Variants in CDK5RAP2 observed in about 807,000 individuals in gnomAD.
CDK5RAP2 encodes the protein CDK5 regulatory subunit associated protein 2.
A neutral mutation model predicts 232.9 loss-of-function variants in CDK5RAP2; 147 were observed. That is an observed-to-expected ratio of 0.63 (90% CI 0.55 to 0.72). The LOEUF (loss-of-function observed/expected upper bound fraction) is 0.72. CDK5RAP2 is among the 30% of genes least tolerant of loss of function. The pLI is 0.00. For synonymous variants in CDK5RAP2, 833 were observed against 833.7 expected (o/e 1.00, Z 0.01); for missense variants, 2,195 against 2,231.5 (o/e 0.98, Z 0.33).
chr9:120,530,854 T>G, intron 7 of CDK5RAP2, among the ~76,000 whole-genome samples: 1 of 85,198 alleles, frequency 1.2e-5, no homozygotes, highest in Admixed American at 1.6e-4. Context: ...CCAGGGCCTG[T>G]TGTGGGGTGG....
In CDK5RAP2 at chr9:120,458,546, TCA is replaced by T; in HGVS notation, c.2277_2278del (p.Cys759Ter). On this transcript the variant is annotated stop_gained and frameshift_variant, in exon 20 of 38. Coordinates refer to ENST00000349780, the MANE Select transcript of CDK5RAP2 (RefSeq NM_018249.6). LOFTEE classifies it high-confidence loss of function. ...TAGGCAGCCAGGTGCGTGGGCCCCA[TCA>T]CAATCTGAAATCTTAGACTCCGTGT... 6.2e-7 allele frequency: 1 copy of T among 1,614,158 alleles called. No individual in the cohort carries two copies. Among genetic ancestry groups the T allele is most frequent in the Non-Finnish European group, 8.5e-7 (1 of 1,180,004 alleles).
chr9:120,550,406 C>T (rs193086939), intron 4 of CDK5RAP2, among the ~76,000 whole-genome samples: 2 of 152,324 alleles, frequency 1.3e-5, no homozygotes, highest in East Asian at 1.9e-4. Context: ...TCACTTAATT[C>T]TGGAAGCAAG....
At chr9:120,484,597 G>A (rs903078526) in intron 14 of CDK5RAP2, among the ~76,000 whole-genome samples, 29 of 152,156 alleles carry the variant, frequency 1.9e-4, no homozygotes, top group African/African-American at 7.0e-4. Flanking sequence ...GGTGGCACAT[G>A]CGTAGAATCC....
intron 36 of CDK5RAP2, 92 bp downstream of exon 36, chr9:120,394,420 C>T (rs2032276698): frequency 6.2e-7 from 1 of 1,601,202 alleles, no homozygotes; most frequent in South Asian, 1.1e-5. Context: ...TACAAACCAT[C>T]TGGGCTCCAA....
intron 12 of CDK5RAP2, among the ~76,000 whole-genome samples, chr9:120,494,660 G>A (rs2039071369): frequency 6.6e-6 from 1 of 152,114 alleles, no homozygotes; most frequent in Non-Finnish European, 1.5e-5. Context: ...CCTCATGGTA[G>A]ACATAATACA....
chr9:120,507,648 G>GC (rs1272127191), intron 12 of CDK5RAP2, among the ~76,000 whole-genome samples: 13 of 151,820 alleles, frequency 8.6e-5, no homozygotes, highest in Non-Finnish European at 1.2e-4. Context: ...AATCTGCAGA[G>GC]CCCCCCGGGT....
At chr9:120,466,047 C>A (rs1386832133) in intron 18 of CDK5RAP2, among the ~76,000 whole-genome samples, 1 of 152,030 alleles carries the variant, frequency 6.6e-6, no homozygotes, top group African/African-American at 2.4e-5. Flanking sequence ...TGGGGTAATG[C>A]TATGGGTTAA....
At chr9:120,509,002 G>A (rs1019819718) in intron 12 of CDK5RAP2, among the ~76,000 whole-genome samples, 3 of 152,142 alleles carry the variant, frequency 2.0e-5, no homozygotes, top group African/African-American at 7.2e-5. Context: ...CTCCCTGTTT[G>A]TGCCCCATGG....
chr9:120,576,559 G>A (rs949138704), intron 1 of CDK5RAP2, among the ~76,000 whole-genome samples: 6 of 151,976 alleles, frequency 3.9e-5, no homozygotes, highest in South Asian at 2.1e-4. Flanking sequence ...AAAATTAGCC[G>A]AGCATGGTGG....
intron 11 of CDK5RAP2, among the ~76,000 whole-genome samples, chr9:120,520,504 A>G (rs2040568469): frequency 6.6e-6 from 1 of 152,146 alleles, no homozygotes; most frequent in East Asian, 1.9e-4. Flanking sequence ...TTATCCGGGC[A>G]TGGTGGCATG....
At chr9:120,557,091 T>G (rs7041769) in intron 3 of CDK5RAP2, among the ~76,000 whole-genome samples, 4,156 of 152,274 alleles carry the variant, frequency 0.027, 225 homozygotes, top group African/African-American at 0.096. Context: ...TATTTATAGG[T>G]AAAGAAATTT....
chr9:120,444,282 A>G (rs1480830072), intron 22 of CDK5RAP2, among the ~76,000 whole-genome samples: 1 of 152,218 alleles, frequency 6.6e-6, no homozygotes. Flanking sequence ...TTGAATTTTA[A>G]AAAATGGCAA....
intron 11 of CDK5RAP2, among the ~76,000 whole-genome samples, chr9:120,522,455 AGTATATAT>A (rs71385066): frequency 0.016 from 2,405 of 152,348 alleles, 40 homozygotes; most frequent in Non-Finnish European, 0.018. Context: ...AATTTTTTAA[AGTATATAT>A]GTATATATGC....
intron 12 of CDK5RAP2, among the ~76,000 whole-genome samples, chr9:120,493,493 T>G (rs567407496): frequency 2.0e-5 from 3 of 152,352 alleles, no homozygotes; most frequent in Non-Finnish European, 4.4e-5. Context: ...ATTATCACCA[T>G]TTGCAAATGA....
chr9:120,413,817 G>A (rs1341077839), intron 28 of CDK5RAP2, among the ~76,000 whole-genome samples: 1 of 138,180 alleles, frequency 7.2e-6, no homozygotes, highest in Non-Finnish European at 1.5e-5. Flanking sequence ...CGAGGAGGGA[G>A]GAGGGAGGAG....
intron 30 of CDK5RAP2, among the ~76,000 whole-genome samples, chr9:120,408,898 G>A (rs879515106): frequency 6.6e-6 from 1 of 152,216 alleles, no homozygotes; most frequent in Non-Finnish European, 1.5e-5. Flanking sequence ...TTTCACAAAG[G>A]CCTTCCCTGA....
chr9:120,416,231 A>G (rs2034210724), intron 27 of CDK5RAP2, among the ~76,000 whole-genome samples: 1 of 152,168 alleles, frequency 6.6e-6, no homozygotes, highest in African/African-American at 2.4e-5. Flanking sequence ...CTGCCCCTCC[A>G]ACAACTTCTG....
intron 8 of CDK5RAP2, among the ~76,000 whole-genome samples, chr9:120,529,076 G>A (rs536975984): frequency 5.3e-5 from 8 of 152,218 alleles, no homozygotes; most frequent in South Asian, 2.1e-4. Context: ...CTAGAGGGCC[G>A]TGTGGCGGAA....
intron 3 of CDK5RAP2, among the ~76,000 whole-genome samples, chr9:120,558,820 C>T (rs1320883800): frequency 6.6e-6 from 1 of 152,222 alleles, no homozygotes; most frequent in Non-Finnish European, 1.5e-5. Context: ...CTCTCTAATA[C>T]ATAGCTCTTA....
Sources: allele counts gnomAD v4.1 joint callset (sites outside exome capture counted in the v4.1 genomes callset), GRCh38; gene constraint gnomAD v4.1.1; transcripts MANE v1.5; gene names NCBI Gene and HGNC (gene_info 2026-07-23, HGNC 2026-07-21).